SNAI1: variants seen among roughly 807,000 people sequenced by gnomAD.
SNAI1 encodes snail family transcriptional repressor 1, also known as zinc finger protein SNAI1.
SNAI1 carries 15 observed loss-of-function variants against 24.7 expected under a neutral mutation model. The ratio of observed to expected loss-of-function variants is 0.61; its 90% CI spans 0.41 to 0.93. The LOEUF is 0.93. Among genes scored for constraint, SNAI1 ranks in the 40% least tolerant of loss-of-function variants. SNAI1 has a pLI of 0.00. For missense variants in SNAI1, 283 were observed against 336.7 expected (o/e 0.84, Z 1.25); for synonymous variants, 163 against 142.9 (o/e 1.14, Z -1.00).
chr20:49,984,054 C>T lies in SNAI1; in HGVS notation c.313C>T (p.Pro105Ser). ...TGGGAAAGGCTCCCAGCCCCCCAGC[C>T]CACCCTCACCGGCTCCTTCGTCCTT... ...DSGKGSQPPS[P>S]PSPAPSSFSS... The change falls in exon 2 of 3, where the codon CCA (proline) becomes TCA (serine). Residue 105 changes from proline to serine, a missense_variant. Coordinates refer to ENST00000244050, the MANE Select transcript of SNAI1 (RefSeq NM_005985.4). The T allele has an allele frequency of 6.2e-7, 1 of 1,614,122 alleles. No homozygotes were observed. Among genetic ancestry groups the T allele is most frequent in the Non-Finnish European group, 8.5e-7 (1 of 1,179,984 alleles).
rs1012493118 is a variant in SNAI1, at chr20:49,982,987, C to T, written c.-73C>T. 1.5e-4 allele frequency: 147 copies of T among 1,001,832 alleles called. No homozygotes were observed. The highest frequency in any genetic ancestry group is 1.9e-4 in the Non-Finnish European group (127 of 666,826). The allele number at this position is 1,001,832 out of a possible 1,614,324, so 62.1% of individuals were successfully genotyped here. ...GGCGGCGCTGCTGCATTCATTGCGC[C>T]GCGGCACGGCCTAGCGAGTGGTTCT... On this transcript the variant is annotated 5_prime_UTR_variant, in exon 1 of 3. Transcript: ENST00000244050.
chr20:49,987,573 T>G (rs1055851851), intron 2 of SNAI1, among the ~76,000 whole-genome samples: 1 of 152,146 alleles, frequency 6.6e-6, no homozygotes, highest in African/African-American at 2.4e-5. Flanking sequence ...GGGATGTGGA[T>G]GAGTACCCTA....
In SNAI1 at chr20:49,987,905, G is replaced by A. The variant is rs768825298; in HGVS notation, c.644G>A (p.Arg215His). ...EKPFSCPHCS[R>H]AFADRSNLRA... ...CCCTTCTCCTGTCCCCACTGCAGCC[G>A]TGCCTTCGCTGACCGCTCCAACCTG... The change falls in exon 3 of 3, where the codon CGT (arginine) becomes CAT (histidine). Residue 215 changes from arginine to histidine, a missense_variant. Arg to His is a conservative substitution (Grantham distance 29). Coordinates refer to ENST00000244050, the MANE Select transcript of SNAI1 (RefSeq NM_005985.4). 3.1e-6 allele frequency: 5 copies of A among 1,613,966 alleles called. No individual in the cohort carries two copies. Among genetic ancestry groups the A allele is most frequent in the South Asian group, 1.1e-5 (1 of 91,084 alleles).
chr20:49,985,639 T>C (rs2078331539), intron 2 of SNAI1, among the ~76,000 whole-genome samples: 1 of 152,166 alleles, frequency 6.6e-6, no homozygotes, highest in East Asian at 1.9e-4. Context: ...AAATGTATCA[T>C]TGCGGTCCTC....
chr20:49,985,708 G>A (rs932886739), intron 2 of SNAI1, among the ~76,000 whole-genome samples: 1 of 152,236 alleles, frequency 6.6e-6, no homozygotes, highest in Non-Finnish European at 1.5e-5. Flanking sequence ...GGGAGGGGTG[G>A]AGCAGGTGCA....
In SNAI1 at chr20:49,984,108, G is replaced by T. The variant is rs1464466429; in HGVS notation, c.367G>T (p.Ala123Ser). The change falls in exon 2 of 3, where the codon GCC becomes TCC. Residue 123 changes from alanine to serine, a missense_variant. Ala to Ser is a moderately conservative substitution (Grantham distance 99). Coordinates refer to ENST00000244050, the MANE Select transcript of SNAI1 (RefSeq NM_005985.4). The part of the protein sequence containing the change: ...FSSTSVSSLE[A>S]EAYAAFPGLG... The stretch of plus-strand genomic sequence containing the variant: ...CTCTACTTCAGTCTCTTCCTTGGAG[G>T]CCGAGGCCTATGCTGCCTTCCCAGG... 5 of 1,614,108 alleles carry T rather than the reference G, an allele frequency of 3.1e-6. No homozygotes were observed. The Middle Eastern group carries it at 8.2e-4, about 265-fold the overall frequency.
At position 49,983,886 on chromosome 20, in the gene SNAI1, A is replaced by T. The variant is rs2078324755; in HGVS notation, c.145A>T (p.Ile49Phe). Residue 49 changes from isoleucine to phenylalanine, a missense_variant, in exon 2 of 3, where the codon ATC (isoleucine) becomes TTC (phenylalanine). By Grantham distance (21) the Ile-to-Phe change is conservative. Coordinates refer to ENST00000244050, the MANE Select transcript of SNAI1 (RefSeq NM_005985.4). ...HLLAAIPPPEILNPTASLPML... is the reference protein window; with the variant it reads ...HLLAAIPPPEFLNPTASLPML... ...GCTGGCAGCCATCCCACCTCCGGAG[A>T]TCCTCAACCCCACCGCCTCGCTGCC... 2 of 1,612,460 alleles carry T rather than the reference A, an allele frequency of 1.2e-6. No homozygotes were observed. Among genetic ancestry groups the T allele is most frequent in the African/African-American group, 1.3e-5 (1 of 74,754 alleles).
In SNAI1 at chr20:49,984,341, G is replaced by C; in HGVS notation, c.600G>C (p.Arg200=). Residue 200 remains arginine (R), a synonymous_variant, in exon 2 of 3, where the codon CGG becomes CGC. Transcript: ENST00000244050. ...SRPWLLQGHV[R]THTGEKPFSC... is the part of the protein sequence containing the mutation. ...CCTGGCTGCTACAAGGCCATGTCCGGACCCACACTGGTACGTGCCCCTCCA... is the reference window on the plus strand; with the variant it reads ...CCTGGCTGCTACAAGGCCATGTCCGCACCCACACTGGTACGTGCCCCTCCA... 2.5e-6 allele frequency: 4 copies of C among 1,602,704 alleles called. No homozygotes were observed. Among genetic ancestry groups the C allele is most frequent in the Non-Finnish European group, 3.4e-6 (4 of 1,175,216 alleles).
chr20:49,983,104 G>A lies in SNAI1; in HGVS notation c.45G>A (p.Arg15=). The A allele has an allele frequency of 1.2e-6, 2 of 1,613,904 alleles. No individual in the cohort carries two copies. The highest frequency in any genetic ancestry group is 1.1e-5 in the South Asian group (1 of 91,058). The change falls in exon 1 of 3, where the codon CGG becomes CGA. Residue 15 remains arginine (R), a synonymous_variant. Coordinates refer to ENST00000244050, the MANE Select transcript of SNAI1 (RefSeq NM_005985.4). The stretch of plus-strand genomic sequence containing the variant: ...TCAGGAAGCCCTCCGACCCCAATCG[G>A]AAGCCTAACTACAGCGAGCTGCAGG... The part of the protein sequence containing the change: ...FLVRKPSDPN[R]KPNYSELQDS...
rs776897898 is a variant in SNAI1 at position 49,987,912 on chromosome 20, C to T, written c.651C>T (p.Phe217=). The T allele has an allele frequency of 7.4e-6, 12 of 1,613,998 alleles. No individual in the cohort carries two copies. Among genetic ancestry groups the T allele is most frequent in the Admixed American group, 3.3e-5 (2 of 59,992 alleles). ...CCTGTCCCCACTGCAGCCGTGCCTTCGCTGACCGCTCCAACCTGCGGGCCC... is the reference window on the plus strand; with the variant it reads ...CCTGTCCCCACTGCAGCCGTGCCTTTGCTGACCGCTCCAACCTGCGGGCCC... ...PFSCPHCSRA[F]ADRSNLRAHL... is the part of the protein sequence containing the mutation. Residue 217 remains phenylalanine, a synonymous_variant, in exon 3 of 3, where the codon TTC becomes TTT. Coordinates refer to ENST00000244050, the MANE Select transcript of SNAI1 (RefSeq NM_005985.4).
intron 2 of SNAI1, among the ~76,000 whole-genome samples, chr20:49,986,171 C>A (rs1455360578): frequency 6.6e-6 from 1 of 152,222 alleles, no homozygotes; most frequent in African/African-American, 2.4e-5. Flanking sequence ...ACTTACCCTT[C>A]TCATTCACAT....
rs549145526 is a variant in SNAI1, at chr20:49,987,735, G to T, written c.611-137G>T. ...GTCAGGTCCCGGCCTTTGGACCCTG[G>T]CTGTGTGTTTGACGGAGGCCTGGCT... On this transcript the variant is annotated intron_variant, in intron 2 of 2. Transcript: ENST00000244050. 5 of 765,584 alleles carry T rather than the reference G, an allele frequency of 6.5e-6. No individual in the cohort carries two copies. The Admixed American group carries it at 6.5e-5, about 10-fold the overall frequency. The allele number at this position is 765,584 out of a possible 1,614,324, so 47.4% of individuals were successfully genotyped here.
In SNAI1 at chr20:49,984,233, C is replaced by G; in HGVS notation, c.492C>G (p.Leu164=). 6.2e-7 allele frequency: 1 copy of G among 1,614,240 alleles called. No individual in the cohort carries two copies. Among genetic ancestry groups the G allele is most frequent in the Non-Finnish European group, 8.5e-7 (1 of 1,180,036 alleles). ...FNCKYCNKEY[L]SLGALKMHIR... ...GCAAATACTGCAACAAGGAATACCT[C>G]AGCCTGGGTGCCCTCAAGATGCACA... The change falls in exon 2 of 3, where the codon CTC becomes CTG. Residue 164 remains leucine, a synonymous_variant. Coordinates refer to ENST00000244050, the MANE Select transcript of SNAI1 (RefSeq NM_005985.4).
chr20:49,983,680 ACCTGGT>A, intron 1 of SNAI1, 138 bp from the exon 2 acceptor site: 1 of 777,708 alleles, frequency 1.3e-6, no homozygotes, highest in Non-Finnish European at 2.0e-6. Context: ...GAGGGCAGGA[ACCTGGT>A]CTGTCCTGTG....
At position 49,983,142 on chromosome 20, in the gene SNAI1, G is replaced by A; in HGVS notation, c.82+1G>A. ...AGCGAGCTGCAGGACTCTAATCCAG[G>A]TGCGTTGGAGGGGTTCTGGGCTCCA... is the stretch of plus-strand genomic sequence containing the variant. On this transcript the variant is annotated splice_donor_variant, in intron 1 of 2. Coordinates refer to ENST00000244050, the MANE Select transcript of SNAI1 (RefSeq NM_005985.4). LOFTEE classifies it high-confidence loss of function. 2 of 1,612,094 alleles carry A rather than the reference G, an allele frequency of 1.2e-6. No individual in the cohort carries two copies. The highest frequency in any genetic ancestry group is 1.7e-6 in the Non-Finnish European group (2 of 1,178,500).
rs906466159 is a variant in SNAI1 at position 49,982,995 on chromosome 20, G to A, written c.-65G>A. The A allele has an allele frequency of 2.6e-5, 28 of 1,060,142 alleles. No individual in the cohort carries two copies. The highest frequency in any genetic ancestry group is 8.3e-6 in the Non-Finnish European group (6 of 722,568). 65.7% of individuals were successfully genotyped at this position (1,060,142 alleles called of 1,614,324 possible). On this transcript the variant is annotated 5_prime_UTR_variant, in exon 1 of 3. Coordinates refer to ENST00000244050, the MANE Select transcript of SNAI1 (RefSeq NM_005985.4). ...TGCTGCATTCATTGCGCCGCGGCAC[G>A]GCCTAGCGAGTGGTTCTTCTGCGCT...
intron 1 of SNAI1, 59 bp downstream of exon 1, chr20:49,983,200 G>A (rs1374837212): frequency 1.3e-5 from 17 of 1,317,468 alleles, no homozygotes; most frequent in Non-Finnish European, 1.7e-5. Context: ...AAGGCTGCGT[G>A]GGGGGCACCT....
chr20:49,984,479 C>G (rs1349393622), intron 2 of SNAI1, 128 bp downstream of exon 2: 2 of 975,688 alleles, frequency 2.0e-6, no homozygotes, highest in Non-Finnish European at 2.9e-6. Flanking sequence ...AGCTCAAGTT[C>G]CAGGGCCTGG....
At chr20:49,984,407 C>T in intron 2 of SNAI1, 56 bp downstream of exon 2, 1 of 1,470,862 alleles carries the variant, frequency 6.8e-7, no homozygotes. Flanking sequence ...TTTTGTGAAT[C>T]TGGGCTTGCT....
Sources: allele counts gnomAD v4.1 joint callset (sites outside exome capture counted in the v4.1 genomes callset), GRCh38; gene constraint gnomAD v4.1.1; transcripts MANE v1.5; gene names NCBI Gene and HGNC (gene_info 2026-07-23, HGNC 2026-07-21).